NDUFAF6: variants seen among roughly 807,000 people sequenced by gnomAD.
The protein encoded by NDUFAF6 is NADH dehydrogenase (ubiquinone) complex I, assembly factor 6.
Under a neutral mutation model 40.8 loss-of-function variants are expected in NDUFAF6, and 45 were observed. The observed-to-expected ratio is 1.10, with a 90% CI of 0.87 to 1.42. The LOEUF (loss-of-function observed/expected upper bound fraction) is 1.42, where lower values mean the gene tolerates loss of function less well. Ranked by LOEUF, NDUFAF6 falls within the 40% of genes most tolerant of loss-of-function variation. The pLI, the probability that NDUFAF6 is intolerant of heterozygous loss-of-function variation, is 0.00. For synonymous variants in NDUFAF6, 185 were observed against 155.9 expected (o/e 1.19, Z -1.39); for missense variants, 435 against 418.5 (o/e 1.04, Z -0.34).
At chr8:94,911,868 C>G (rs997922409) in intron 1 of NDUFAF6, among the ~76,000 whole-genome samples, 1 of 152,206 alleles carries the variant, frequency 6.6e-6, no homozygotes, top group African/African-American at 2.4e-5. Flanking sequence ...CTGGTTTGAG[C>G]TGAGGGGTCT....
intron 2 of NDUFAF6, among the ~76,000 whole-genome samples, chr8:95,017,261 G>A (rs1827501467): frequency 6.6e-6 from 1 of 152,002 alleles, no homozygotes; most frequent in Admixed American, 6.6e-5. Context: ...TTCTTAATGA[G>A]CTGTAGGCAC....
At chr8:94,964,037 G>T (rs1467858777) in intron 1 of NDUFAF6, among the ~76,000 whole-genome samples, 1 of 152,186 alleles carries the variant, frequency 6.6e-6, no homozygotes, top group Non-Finnish European at 1.5e-5. Context: ...TGTGGCCTTA[G>T]TTAGCCTGAA....
intron 5 of NDUFAF6, among the ~76,000 whole-genome samples, chr8:95,046,364 G>A (rs1830771026): frequency 6.6e-6 from 1 of 152,160 alleles, no homozygotes; most frequent in African/African-American, 2.4e-5. Flanking sequence ...ATTTATAAAA[G>A]TTTTTGAGAT....
At chr8:94,908,766 C>T (rs1180562279) in intron 1 of NDUFAF6, among the ~76,000 whole-genome samples, 8 of 152,112 alleles carry the variant, frequency 5.3e-5, no homozygotes, top group Admixed American at 5.2e-4. Flanking sequence ...GTTTATTTTG[C>T]CAGATTTATA....
chr8:95,053,268 T>C (rs1490256009), intron 8 of NDUFAF6, among the ~76,000 whole-genome samples: 1 of 152,206 alleles, frequency 6.6e-6, no homozygotes, highest in Non-Finnish European at 1.5e-5. Flanking sequence ...GTTCTCACAA[T>C]TCTACCGTAT....
At chr8:95,058,895 AC>A (rs1333733493), downstream of NDUFAF6, among the ~76,000 whole-genome samples, 1 of 152,216 alleles carries the variant, frequency 6.6e-6, no homozygotes, top group Admixed American at 6.5e-5. Context: ...GACCAAAAAT[AC>A]ATAAACTAGC....
chr8:95,085,491 A>T (rs531423402), intron 2 of NDUFAF6: 2 of 152,192 alleles, frequency 1.3e-5, no homozygotes, highest in African/African-American at 4.8e-5. Context: ...TAGGAACAGA[A>T]CTCTTCCAGA....
chr8:94,920,383 A>G (rs1819419091), intron 1 of NDUFAF6, among the ~76,000 whole-genome samples: 1 of 152,220 alleles, frequency 6.6e-6, no homozygotes, highest in Non-Finnish European at 1.5e-5. Flanking sequence ...GTCTCACTCT[A>G]CCTTCAAGAT....
At chr8:95,032,387 G>A (rs1051953343) in intron 2 of NDUFAF6, among the ~76,000 whole-genome samples, 1 of 152,128 alleles carries the variant, frequency 6.6e-6, no homozygotes, top group East Asian at 1.9e-4. Flanking sequence ...AATTAAATAG[G>A]TTAGTCAGAG....
chr8:94,973,056 G>A (rs1357512686), intron 1 of NDUFAF6, among the ~76,000 whole-genome samples: 1 of 152,144 alleles, frequency 6.6e-6, no homozygotes, highest in Non-Finnish European at 1.5e-5. Context: ...CAGCCTGGGT[G>A]ACAGAACAAG....
chr8:95,067,797 A>T (rs1340490249), intron 9 of NDUFAF6: 12 of 151,914 alleles, frequency 7.9e-5, no homozygotes, highest in Admixed American at 7.9e-4. Flanking sequence ...TACAGCTGTG[A>T]GTGGGTGGAA....
At chr8:94,973,855 T>TAAA (rs754972680) in intron 1 of NDUFAF6, among the ~76,000 whole-genome samples, 1 of 125,344 alleles carries the variant, frequency 8.0e-6, no homozygotes. Flanking sequence ...CCCCTGTCTC[T>TAAA]AAAAAAAAAA....
chr8:95,022,588 C>CAAAAAAAAAAAAAAAAA, upstream of NDUFAF6, among the ~76,000 whole-genome samples: 1 of 111,364 alleles, frequency 9.0e-6, no homozygotes, highest in Non-Finnish European at 1.9e-5. Context: ...TTTACCCCTC[C>CAAAAAAAAAAAAAAAAA]AAAAAAAAAA....
upstream of NDUFAF6, among the ~76,000 whole-genome samples, chr8:94,956,298 G>A (rs755479431): frequency 2.0e-5 from 3 of 152,200 alleles, no homozygotes; most frequent in Non-Finnish European, 4.4e-5. Context: ...TAAGCTGGGG[G>A]GTCAAGGAAG....
At chr8:94,990,910 T>G (rs1826163781) in intron 2 of NDUFAF6, among the ~76,000 whole-genome samples, 1 of 152,200 alleles carries the variant, frequency 6.6e-6, no homozygotes, top group African/African-American at 2.4e-5. Flanking sequence ...AATAAGCCCT[T>G]CCTATGCAGG....
intron 1 of NDUFAF6, among the ~76,000 whole-genome samples, chr8:94,913,204 G>T (rs1818903513): frequency 6.6e-6 from 1 of 152,186 alleles, no homozygotes; most frequent in African/African-American, 2.4e-5. Flanking sequence ...CCAGCAGTAG[G>T]CTGGCAGGGG....
At chr8:95,083,952 A>G (rs746181161) in intron 2 of NDUFAF6, among the ~76,000 whole-genome samples, 66 of 152,212 alleles carry the variant, frequency 4.3e-4, no homozygotes, top group Non-Finnish European at 7.8e-4. Flanking sequence ...AGAACCCCTG[A>G]CTTTTATCCA....
chr8:94,940,076 T>G (rs1563730737), intron 1 of NDUFAF6: 1 of 1,614,170 alleles, frequency 6.2e-7, no homozygotes, highest in Non-Finnish European at 8.5e-7. Flanking sequence ...TGACTCAAAC[T>G]GGAGAAAGCA....
upstream of NDUFAF6, among the ~76,000 whole-genome samples, chr8:95,024,596 G>A (rs199619150): frequency 1.5e-4 from 23 of 152,376 alleles, no homozygotes; most frequent in East Asian, 4.4e-3. Flanking sequence ...GCGCTATTGC[G>A]CCCAAAGTGC....
Sources: allele counts gnomAD v4.1 joint callset (sites outside exome capture counted in the v4.1 genomes callset), GRCh38; gene constraint gnomAD v4.1.1; transcripts MANE v1.5; gene names NCBI Gene and HGNC (gene_info 2026-07-23, HGNC 2026-07-21).